The following TSHZ2 variants were observed in gnomAD, a reference collection of about 807,000 sequenced individuals.
TSHZ2 encodes teashirt zinc finger homeobox 2.
In TSHZ2, 21 loss-of-function variants were observed where a neutral mutation model predicts 74.4. The ratio of observed to expected loss-of-function variants is 0.28; its 90% CI spans 0.20 to 0.41. The LOEUF (loss-of-function observed/expected upper bound fraction) is 0.41, where lower values mean the gene tolerates loss of function less well. Ranked by LOEUF, TSHZ2 falls within the 10% of genes least tolerant of loss-of-function variation. The pLI, the probability that TSHZ2 is intolerant of heterozygous loss-of-function variation, is 1.00. For synonymous variants in TSHZ2, 540 were observed against 515.3 expected (o/e 1.05, Z -0.65); for missense variants, 1,244 against 1,293.5 (o/e 0.96, Z 0.59).
chr20:53,328,343 A>G (rs75889659), intron 2 of TSHZ2, among the ~76,000 whole-genome samples: 1 of 152,368 alleles, frequency 6.6e-6, no homozygotes, highest in East Asian at 1.9e-4. Context: ...CTGTGCAAGC[A>G]GCAGGATATG....
At chr20:53,047,274 G>A (rs1402310859) in intron 1 of TSHZ2, among the ~76,000 whole-genome samples, 1 of 152,048 alleles carries the variant, frequency 6.6e-6, no homozygotes, top group African/African-American at 2.4e-5. Context: ...TTATATAAAG[G>A]TCTGATATAA....
At chr20:53,073,150 A>T (rs1985242860) in intron 1 of TSHZ2, among the ~76,000 whole-genome samples, 1 of 139,750 alleles carries the variant, frequency 7.2e-6, no homozygotes, top group Non-Finnish European at 1.6e-5. Context: ...TAATCCATTC[A>T]TCCATCCCTC....
rs532102136 is a variant in TSHZ2, at chr20:53,155,423, T to C, written c.41-98076T>C. On this transcript the variant is annotated intron_variant, in intron 1 of 2. Transcript: ENST00000371497. ...TCAAAAGGAACCCGTGGGATATATA[T>C]TCCCGCCTTTCCTCCTCCCACCTGC... Among the ~76,000 whole-genome samples the C allele has an allele frequency of 1.8e-3, 281 of 151,980 alleles. 1 individual carries two copies. The highest frequency in any genetic ancestry group is 3.1e-3 in the South Asian group (15 of 4,810).
chr20:53,018,362 G>A (rs972907804), intron 1 of TSHZ2, among the ~76,000 whole-genome samples: 1 of 152,200 alleles, frequency 6.6e-6, no homozygotes, highest in African/African-American at 2.4e-5. Context: ...CCCGTTTTCA[G>A]GGGCATGAAG....
At chr20:53,104,193 T>C (rs1384594806) in intron 1 of TSHZ2, among the ~76,000 whole-genome samples, 1 of 136,800 alleles carries the variant, frequency 7.3e-6, no homozygotes, top group Non-Finnish European at 1.5e-5. Flanking sequence ...ATGCCTCAAG[T>C]CACCTGAATA....
intron 1 of TSHZ2, among the ~76,000 whole-genome samples, chr20:53,134,086 T>C (rs973680699): frequency 2.0e-5 from 3 of 152,094 alleles, no homozygotes; most frequent in African/African-American, 7.2e-5. Flanking sequence ...TTCTATTCTC[T>C]AAACAGTTAA....
chr20:53,210,080 A>G (rs1373000919), intron 1 of TSHZ2, among the ~76,000 whole-genome samples: 1 of 152,254 alleles, frequency 6.6e-6, no homozygotes, highest in African/African-American at 2.4e-5. Context: ...TCCCCGTCGC[A>G]GGACGTGAGA....
chr20:53,183,299 T>C (rs1199093363), intron 1 of TSHZ2, among the ~76,000 whole-genome samples: 1 of 152,084 alleles, frequency 6.6e-6, no homozygotes, highest in South Asian at 2.1e-4. Flanking sequence ...GAAGTCAAGA[T>C]TGATTGAAAA....
chr20:53,164,034 A>G (rs932281513), intron 1 of TSHZ2, among the ~76,000 whole-genome samples: 3 of 152,062 alleles, frequency 2.0e-5, no homozygotes, highest in South Asian at 2.1e-4. Flanking sequence ...ATACTTATTT[A>G]TTGCTTATTT....
At chr20:53,361,453 C>T (rs557606151) in intron 2 of TSHZ2, among the ~76,000 whole-genome samples, 2 of 152,340 alleles carry the variant, frequency 1.3e-5, no homozygotes, top group East Asian at 3.9e-4. Flanking sequence ...GGGTATAGAT[C>T]TGGCCACAAA....
intron 1 of TSHZ2, among the ~76,000 whole-genome samples, chr20:53,106,805 C>T (rs1202439058): frequency 1.3e-5 from 2 of 150,928 alleles, no homozygotes; most frequent in Non-Finnish European, 1.5e-5. Flanking sequence ...TCAAGCGATT[C>T]TCCAGCCTCA....
intron 1 of TSHZ2, among the ~76,000 whole-genome samples, chr20:53,047,081 G>A (rs114410823): frequency 1.3e-3 from 194 of 152,256 alleles, no homozygotes; most frequent in African/African-American, 4.5e-3. Context: ...TGGCTCCAGT[G>A]TTGCAGCTGC....
At chr20:53,453,083 C>T (rs193245262) in intron 2 of TSHZ2, 1 of 152,312 alleles carries the variant, frequency 6.6e-6, no homozygotes, top group African/African-American at 2.4e-5. Flanking sequence ...GCATCCACTC[C>T]TTGGAAGCTG....
At chr20:53,394,884 A>G (rs1982392058) in intron 2 of TSHZ2, among the ~76,000 whole-genome samples, 1 of 147,026 alleles carries the variant, frequency 6.8e-6, no homozygotes, top group South Asian at 2.1e-4. Context: ...AAAAAAAAAA[A>G]AAGATCCAAA....
chr20:53,479,974 A>C (rs1986103116), intron 2 of TSHZ2, among the ~76,000 whole-genome samples: 2 of 152,210 alleles, frequency 1.3e-5, no homozygotes, highest in Non-Finnish European at 2.9e-5. Context: ...GTAATGGCTC[A>C]CACCTATAAT....
chr20:53,468,783 T>A (rs1985643297), intron 2 of TSHZ2, among the ~76,000 whole-genome samples: 1 of 150,222 alleles, frequency 6.7e-6, no homozygotes, highest in South Asian at 2.1e-4. Flanking sequence ...ACATACATCA[T>A]GCATTTGAGA....
chr20:53,121,243 C>G (rs984933534), intron 1 of TSHZ2, among the ~76,000 whole-genome samples: 1 of 152,116 alleles, frequency 6.6e-6, no homozygotes, highest in Non-Finnish European at 1.5e-5. Flanking sequence ...ACAATAGCTT[C>G]TGCCTCAAAT....
In TSHZ2 at chr20:52,977,155, T is replaced by A. The variant is rs1057143985; in HGVS notation, c.40+3822T>A. On this transcript the variant is annotated intron_variant, in intron 1 of 2. Transcript: ENST00000371497. Reference sequence around the variant, plus strand: ...TTCCACCTCTTGATAGTGATGACTCTGAATTAACCGGTGAGGTCCCAGAAA... The same window carrying A: ...TTCCACCTCTTGATAGTGATGACTCAGAATTAACCGGTGAGGTCCCAGAAA... 2.0e-5 allele frequency among the ~76,000 whole-genome samples: 3 copies of A among 152,132 alleles called. No individual in the cohort carries two copies. In the East Asian group the frequency reaches 5.8e-4, roughly 29 times the overall value.
chr20:53,219,840 T>C (rs1989514782), intron 1 of TSHZ2, among the ~76,000 whole-genome samples: 1 of 152,250 alleles, frequency 6.6e-6, no homozygotes. Flanking sequence ...TATTTTGTTT[T>C]TAAATATTCT....
Sources: allele counts gnomAD v4.1 joint callset (sites outside exome capture counted in the v4.1 genomes callset), GRCh38; gene constraint gnomAD v4.1.1; transcripts MANE v1.5; gene names NCBI Gene and HGNC (gene_info 2026-07-23, HGNC 2026-07-21).